Variants in HDAC6 observed in about 807,000 individuals in gnomAD.
The protein encoded by HDAC6 is protein deacetylase HDAC6.
A neutral mutation model predicts 88.9 loss-of-function variants in HDAC6; 5 were observed. The observed-to-expected ratio is 0.06, with a 90% confidence interval of 0.03 to 0.12. HDAC6 has a LOEUF of 0.12. Ranked by LOEUF, HDAC6 falls within the 10% of genes least tolerant of loss-of-function variation. The probability of loss-of-function intolerance (pLI) is 1.00; values close to 1 mark genes in which losing one functional copy is unlikely to be tolerated. For missense variants in HDAC6, 706 were observed against 1,014.4 expected (o/e 0.70, Z 4.13); for synonymous variants, 378 against 398.0 (o/e 0.95, Z 0.60).
chrX:48,815,976 A>G lies in HDAC6; in HGVS notation c.1417A>G (p.Thr473Ala). ...PWEPPVLPIL[T>A]WPVLQSRTGL... Reference sequence around the variant, plus strand: ...GGAGCCCCCTGTGCTCCCAATCCTGACATGGCCAGTGCTACAGTCTCGCAC... The same window carrying G: ...GGAGCCCCCTGTGCTCCCAATCCTGGCATGGCCAGTGCTACAGTCTCGCAC... The change falls in exon 17 of 29, where the codon ACA becomes GCA. Residue 473 changes from threonine (T) to alanine (A), a missense_variant. Thr to Ala is a moderately conservative substitution (Grantham distance 58, BLOSUM62 0). This residue lies in a region of HDAC6 where 106 missense variants were observed against 135.1 expected (regional missense o/e 0.78). Transcript: ENST00000334136. 2 of 1,211,398 alleles carry G rather than the reference A, an allele frequency of 1.7e-6. No homozygotes were observed. The highest frequency in any genetic ancestry group is 2.2e-6 in the Non-Finnish European group (2 of 895,066).
rs781837169 is a variant in HDAC6, at chrX:48,823,328, G to A, written c.2929G>A (p.Gly977Ser). 8.3e-6 allele frequency: 10 copies of A among 1,200,203 alleles called. No homozygotes were observed. In the Admixed American group the frequency reaches 2.2e-4, roughly 27 times the overall value. Reference sequence around the variant, plus strand: ...GGATGCTGTTGGGGGAGCCACGCTGGGCCAGACTACCTCAGAGGAGGCTGT... The same window carrying A: ...GGATGCTGTTGGGGGAGCCACGCTGAGCCAGACTACCTCAGAGGAGGCTGT... ...SEDAVGGATL[G>S]QTTSEEAVGG... Residue 977 changes from glycine (G) to serine (S), a missense_variant, in exon 25 of 29, where the codon GGC becomes AGC. Physicochemically the swap from Gly to Ser is moderately conservative, Grantham distance 56. This residue lies in a region of HDAC6 where 13 missense variants were observed against 33.4 expected (regional missense o/e 0.39). Transcript: ENST00000334136.
chrX:48,816,792 A>C, intron 19 of HDAC6, 159 bp downstream of exon 19: 8 of 470,806 alleles, frequency 1.7e-5, no homozygotes, highest in East Asian at 3.8e-5. Flanking sequence ...TGGGGGAATA[A>C]TGGAAGGAAC....
intron 8 of HDAC6, 72 bp from the exon 9 acceptor site, chrX:48,807,961 C>A (rs782449862): frequency 4.3e-6 from 3 of 692,754 alleles, no homozygotes; most frequent in South Asian, 2.5e-5. Flanking sequence ...GATTAGAGAG[C>A]AGGGGACAGT....
Position 48,805,444 on chromosome X carries a change from G to A in HDAC6, c.318G>A (p.Pro106=). The change falls in exon 5 of 29, where the codon CCG becomes CCA. Residue 106 remains proline, a synonymous_variant. Coordinates refer to ENST00000334136, the MANE Select transcript of HDAC6 (RefSeq NM_006044.4). ...EFHCLWDDSF[P]EGPERLHAIK... The stretch of plus-strand genomic sequence containing the variant: ...TGTGACTCCATCTCCCCAGCTTCCC[G>A]GAAGGCCCTGAGCGGCTCCATGCCA... The A allele has an allele frequency of 3.3e-6, 4 of 1,207,035 alleles. No homozygotes were observed. Among genetic ancestry groups the A allele is most frequent in the Middle Eastern group, 2.3e-4 (1 of 4,325 alleles).
At chrX:48,819,663 C>T (rs2063048154) in intron 22 of HDAC6, 1 of 235,460 alleles carries the variant, frequency 4.2e-6, no homozygotes, top group South Asian at 4.5e-5. Flanking sequence ...CCTGCCTCAG[C>T]CTCCTGCGTA....
At position 48,823,447 on chromosome X, in the gene HDAC6, C is replaced by T. The variant is rs782299234; in HGVS notation, c.3048C>T (p.Thr1016=). 5.8e-6 allele frequency: 7 copies of T among 1,208,944 alleles called. No homozygotes were observed. The highest frequency in any genetic ancestry group is 1.8e-5 in the South Asian group (1 of 56,600). ...CGTCAGAGGAGGCTCCAGGGGGCAC[C>T]GAGCTGATCCAAACTCCTCTAGCCT... ...QTTSEEAPGG[T]ELIQTPLASS... is the part of the protein sequence containing the mutation. Residue 1016 remains threonine (T), a synonymous_variant, in exon 25 of 29, where the codon ACC becomes ACT. Coordinates refer to ENST00000334136, the MANE Select transcript of HDAC6 (RefSeq NM_006044.4).
intron 19 of HDAC6, 79 bp downstream of exon 19, chrX:48,816,712 T>C: frequency 1.1e-6 from 1 of 933,879 alleles, no homozygotes; most frequent in South Asian, 2.8e-5. Flanking sequence ...CTGGAGGCTC[T>C]GAGAGAGTCA....
intron 10 of HDAC6, among the ~76,000 whole-genome samples, chrX:48,809,471 T>C (rs1410633225): frequency 9.0e-6 from 1 of 111,531 alleles, no homozygotes; most frequent in Non-Finnish European, 1.9e-5. Flanking sequence ...AATACCCCAA[T>C]GAGCATTTCC....
intron 14 of HDAC6, 42 bp downstream of exon 14, chrX:48,815,093 G>A: frequency 9.3e-7 from 1 of 1,069,608 alleles, no homozygotes; most frequent in Non-Finnish European, 1.3e-6. Flanking sequence ...GGATCCTGGA[G>A]GGCTTAAGAA....
At chrX:48,814,412 C>T in intron 10 of HDAC6, 28 bp from the exon 11 acceptor site, 2 of 1,208,297 alleles carry the variant, frequency 1.7e-6, no homozygotes, top group Non-Finnish European at 1.1e-6. Context: ...TTCTCCAACT[C>T]TCTTACCTCT....
In HDAC6 at chrX:48,805,487, C is replaced by G; in HGVS notation, c.361C>G (p.Gln121Glu). 1 of 1,209,634 alleles carries G rather than the reference C, an allele frequency of 8.3e-7. No homozygotes were observed. ...RLHAIKEQLI[Q>E]EGLLDRCVSF... Reference sequence around the variant, plus strand: ...CCATGCCATCAAGGAGCAACTGATCCAGGAGGGCCTCCTAGATCGCTGCGT... The same window carrying G: ...CCATGCCATCAAGGAGCAACTGATCGAGGAGGGCCTCCTAGATCGCTGCGT... The change falls in exon 5 of 29, where the codon CAG becomes GAG. Residue 121 changes from glutamine to glutamate, a missense_variant. This residue lies in a region of HDAC6 where 193 missense variants were observed against 258.2 expected (regional missense o/e 0.75). Coordinates refer to ENST00000334136, the MANE Select transcript of HDAC6 (RefSeq NM_006044.4).
chrX:48,802,601 A>T (rs1478425808), intron 1 of HDAC6, 62 bp from the exon 2 acceptor site: 36 of 1,157,854 alleles, frequency 3.1e-5, no homozygotes, highest in Middle Eastern at 5.4e-4. Flanking sequence ...AAGGGCAGAG[A>T]GGTGGGGTCC....
Position 48,822,636 on chromosome X carries a change from C to T in HDAC6, c.2354C>T (p.Thr785Ile). 1 of 1,190,670 alleles carries T rather than the reference C, an allele frequency of 8.4e-7. No individual in the cohort carries two copies. Among genetic ancestry groups the T allele is most frequent in the Non-Finnish European group, 1.1e-6 (1 of 882,908 alleles). ...TTAACAAAGGGTGGCTATAACCTGA[C>T]ATCCATCTCAGAGTCCATGGCTGCC... is the stretch of plus-strand genomic sequence containing the variant. ...ILILEGGYNL[T>I]SISESMAACT... The change falls in exon 24 of 29, where the codon ACA (threonine) becomes ATA (isoleucine). Residue 785 changes from threonine to isoleucine, a missense_variant. Transcript: ENST00000334136.
intron 10 of HDAC6, chrX:48,810,919 G>A (rs1256977643): frequency 9.0e-6 from 1 of 111,606 alleles, no homozygotes; most frequent in African/African-American, 3.3e-5. Context: ...GTTGAATTAT[G>A]TATTTAGATA....
chrX:48,806,560 G>A (rs781823789), intron 7 of HDAC6, 49 bp from the exon 8 acceptor site: 1 of 1,085,088 alleles, frequency 9.2e-7, no homozygotes, highest in South Asian at 1.9e-5. Context: ...TGAGTGGATA[G>A]GGCTGTTCTC....
In HDAC6 at chrX:48,822,947, T is replaced by C. The variant is rs782715705; in HGVS notation, c.2548T>C (p.Leu850=). The C allele has an allele frequency of 4.2e-6, 5 of 1,201,879 alleles. No individual in the cohort carries two copies. The highest frequency in any genetic ancestry group is 3.4e-6 in the Non-Finnish European group (3 of 890,333). Reference sequence around the variant, plus strand: ...CAGAGAAGGACCCTCCAGTTCTAAGTTGGTCACCAAGAAGGCACCCCAACC... The same window carrying C: ...CAGAGAAGGACCCTCCAGTTCTAAGCTGGTCACCAAGAAGGCACCCCAACC... ...EDREGPSSSK[L]VTKKAPQPAK... The change falls in exon 25 of 29, where the codon TTG becomes CTG. Residue 850 remains leucine (L), a synonymous_variant. Coordinates refer to ENST00000334136, the MANE Select transcript of HDAC6 (RefSeq NM_006044.4).
Position 48,824,929 on chromosome X carries a change from C to T in HDAC6, c.*317C>T. The T allele has an allele frequency of 3.8e-6, 4 of 1,065,554 alleles. No homozygotes were observed. Among genetic ancestry groups the T allele is most frequent in the Non-Finnish European group, 4.9e-6 (4 of 816,238 alleles). The allele number at this position is 1,065,554 out of a possible 1,213,427, so 87.8% of individuals were successfully genotyped here. On this transcript the variant is annotated 3_prime_UTR_variant, in exon 29 of 29. Coordinates refer to ENST00000334136, the MANE Select transcript of HDAC6 (RefSeq NM_006044.4). ...CATTGGCGGGAGGGGAGTTAACTGG[C>T]AGGCATGGCAAGGTTGCATATGTAA...
intron 17 of HDAC6, 41 bp from the exon 18 acceptor site, chrX:48,816,100 C>G (rs5905711): frequency 1.2e-5 from 15 of 1,208,248 alleles, no homozygotes; most frequent in African/African-American, 7.0e-5. Flanking sequence ...GTCCCTCCCC[C>G]TCAGGCACTA....
rs2062838980 is a variant in HDAC6, at chrX:48,807,669, C to G, written c.633-364C>G. Among the ~76,000 whole-genome samples, 3 of 111,698 alleles carry G rather than the reference C, an allele frequency of 2.7e-5. No homozygotes were observed. In the South Asian group the frequency reaches 1.1e-3, roughly 42 times the overall value. On this transcript the variant is annotated intron_variant, in intron 8 of 28. Transcript: ENST00000334136. ...CTGGGACTACAGTCGCCCGCCACCA[C>G]ACCCAGCTAATTTTTTGTATTTTTA... is the stretch of plus-strand genomic sequence containing the variant.
Sources: gnomAD v4.1 joint callset for allele counts (sites outside exome capture counted in the v4.1 genomes callset) on GRCh38, gnomAD v4.1.1 for gene constraint, gnomAD v4.1.1 regional missense constraint, MANE v1.5 for transcripts, NCBI Gene and HGNC (gene_info 2026-07-23, HGNC 2026-07-21) for gene names.